NIBAN1: variants seen among roughly 807,000 people sequenced by gnomAD.
NIBAN1 encodes protein Niban 1.
A neutral mutation model predicts 75.1 loss-of-function variants in NIBAN1; 81 were observed. That is an observed-to-expected ratio of 1.08 (90% CI 0.90 to 1.30). The LOEUF (loss-of-function observed/expected upper bound fraction) is 1.30. NIBAN1 is among the 50% of genes most tolerant of loss of function. The pLI is 0.00. For synonymous variants in NIBAN1, 436 were observed against 424.8 expected (o/e 1.03, Z -0.32); for missense variants, 1,133 against 1,128.1 (o/e 1.00, Z -0.06).
At chr1:184,898,373 G>A (rs551426983) in intron 2 of NIBAN1, among the ~76,000 whole-genome samples, 3 of 152,274 alleles carry the variant, frequency 2.0e-5, no homozygotes, top group African/African-American at 7.2e-5. Context: ...CCAGCACTTT[G>A]GGAGGCCGAG....
At chr1:184,843,932 A>G (rs543329215) in intron 5 of NIBAN1, among the ~76,000 whole-genome samples, 1 of 152,198 alleles carries the variant, frequency 6.6e-6, no homozygotes, top group Non-Finnish European at 1.5e-5. Flanking sequence ...CGTGCCTCTC[A>G]GTGACGTTGT....
At chr1:184,970,528 T>A (rs1032125121) in intron 1 of NIBAN1, among the ~76,000 whole-genome samples, 2 of 152,224 alleles carry the variant, frequency 1.3e-5, no homozygotes, top group Non-Finnish European at 2.9e-5. Context: ...AACCCTTGTA[T>A]AAATAAGAGG....
chr1:184,840,125 G>C (rs945061426), intron 5 of NIBAN1, among the ~76,000 whole-genome samples: 20 of 152,074 alleles, frequency 1.3e-4, no homozygotes, highest in African/African-American at 4.3e-4. Flanking sequence ...TAATGAAATG[G>C]TAATAAAAGT....
chr1:184,873,027 A>G (rs901668593), intron 5 of NIBAN1, among the ~76,000 whole-genome samples: 3 of 152,234 alleles, frequency 2.0e-5, no homozygotes, highest in African/African-American at 7.2e-5. Context: ...GGCTGATAGC[A>G]TATTCCTCAA....
chr1:184,818,906 G>A, intron 8 of NIBAN1, 81 bp from the exon 9 acceptor site: 1 of 1,450,376 alleles, frequency 6.9e-7, no homozygotes, highest in Non-Finnish European at 9.3e-7. Flanking sequence ...AGAGCTGAAT[G>A]GTGCCCCACG....
intron 1 of NIBAN1, among the ~76,000 whole-genome samples, chr1:184,900,731 G>C (rs1487754211): frequency 6.6e-6 from 1 of 152,134 alleles, no homozygotes; most frequent in Non-Finnish European, 1.5e-5. Context: ...ATGCAGATTA[G>C]AAACCCTTAC....
In NIBAN1 at chr1:184,854,326, G is replaced by T. The variant is rs1655620497; in HGVS notation, c.602-22364C>A. 2.0e-5 allele frequency among the ~76,000 whole-genome samples: 3 copies of T among 152,208 alleles called. No homozygotes were observed. In the South Asian group the frequency reaches 6.2e-4, roughly 32 times the overall value. The stretch of plus-strand genomic sequence containing the variant: ...ATGTTCAAACAGCCTCATTACAAAG[G>T]GATCTGTTTTATATCAATAAAGAAG... On this transcript the variant is annotated intron_variant, in intron 5 of 13. Transcript: ENST00000367511.
At chr1:184,941,120 G>A (rs901457194) in intron 1 of NIBAN1, among the ~76,000 whole-genome samples, 1 of 152,092 alleles carries the variant, frequency 6.6e-6, no homozygotes, top group Non-Finnish European at 1.5e-5. Context: ...GGAAGAAGGA[G>A]GAAAAAGAAA....
chr1:184,828,889 T>A (rs1440841031), intron 6 of NIBAN1, among the ~76,000 whole-genome samples: 1 of 152,126 alleles, frequency 6.6e-6, no homozygotes, highest in East Asian at 1.9e-4. Context: ...CTTGACCTCA[T>A]GGGCTCAAAT....
At chr1:184,951,348 C>T (rs1658352550) in intron 1 of NIBAN1, among the ~76,000 whole-genome samples, 1 of 152,202 alleles carries the variant, frequency 6.6e-6, no homozygotes, top group South Asian at 2.1e-4. Context: ...ATGAGACATC[C>T]ATCTGCTTAG....
intron 3 of NIBAN1, among the ~76,000 whole-genome samples, chr1:184,893,205 T>C (rs553746957): frequency 3.9e-4 from 60 of 152,280 alleles, no homozygotes; most frequent in Middle Eastern, 3.4e-3. Flanking sequence ...GTGTACAGTA[T>C]GAGATCTGGG....
chr1:184,831,307 A>C (rs1654993440), intron 6 of NIBAN1, among the ~76,000 whole-genome samples: 2 of 152,208 alleles, frequency 1.3e-5, no homozygotes, highest in South Asian at 4.1e-4. Context: ...TGTTTTTTTC[A>C]TTACTTCATT....
intron 1 of NIBAN1, among the ~76,000 whole-genome samples, chr1:184,933,333 A>G (rs1557920197): frequency 6.6e-6 from 1 of 152,206 alleles, no homozygotes; most frequent in Non-Finnish European, 1.5e-5. Flanking sequence ...AGTAATTCAG[A>G]AGGTCCCTGC....
At chr1:184,867,867 A>C in intron 5 of NIBAN1, 1 of 985,400 alleles carries the variant, frequency 1.0e-6, no homozygotes. Context: ...CCCTTACCTT[A>C]ATAGAGGCTC....
chr1:184,956,618 C>A (rs1039749207), intron 1 of NIBAN1, among the ~76,000 whole-genome samples: 1 of 152,142 alleles, frequency 6.6e-6, no homozygotes, highest in African/African-American at 2.4e-5. Context: ...TCATTGAATG[C>A]ATTAATAAAG....
chr1:184,818,034 C>T (rs1654586941), intron 9 of NIBAN1, among the ~76,000 whole-genome samples: 1 of 152,204 alleles, frequency 6.6e-6, no homozygotes, highest in Admixed American at 6.5e-5. Flanking sequence ...CCGTGAGGCA[C>T]CCCTGGAGTG....
chr1:184,898,839 G>A (rs913506696), intron 2 of NIBAN1, among the ~76,000 whole-genome samples: 2 of 152,104 alleles, frequency 1.3e-5, no homozygotes, highest in African/African-American at 2.4e-5. Flanking sequence ...GAGCAAAGGA[G>A]TAAGAATAAA....
intron 1 of NIBAN1, among the ~76,000 whole-genome samples, chr1:184,959,401 G>C (rs537398120): frequency 6.6e-6 from 1 of 152,142 alleles, no homozygotes; most frequent in Non-Finnish European, 1.5e-5. Flanking sequence ...TCATGTTCAC[G>C]TTTGCCTCTG....
intron 2 of NIBAN1, among the ~76,000 whole-genome samples, chr1:184,898,441 T>A (rs561809672): frequency 3.9e-4 from 59 of 151,982 alleles, no homozygotes; most frequent in African/African-American, 1.4e-3. Flanking sequence ...ATGGTGAATA[T>A]CCTGTCTCTA....
Sources: allele counts gnomAD v4.1 joint callset (sites outside exome capture counted in the v4.1 genomes callset), GRCh38; gene constraint gnomAD v4.1.1; transcripts MANE v1.5; gene names NCBI Gene and HGNC (gene_info 2026-07-23, HGNC 2026-07-21).